Variants in DLGAP2 observed in about 807,000 individuals in gnomAD.
DLGAP2 encodes disks large-associated protein 2.
Under a neutral mutation model 100.3 loss-of-function variants are expected in DLGAP2, and 26 were observed. That is an observed-to-expected ratio of 0.26 (90% CI 0.19 to 0.36). The LOEUF is 0.36. Ranked by LOEUF, DLGAP2 falls within the 10% of genes least tolerant of loss-of-function variation. The pLI is 1.00. For missense variants in DLGAP2, 1,858 were observed against 1,453.2 expected (o/e 1.28, Z -4.53); for synonymous variants, 886 against 630.1 (o/e 1.41, Z -6.08).
intron 2 of DLGAP2, among the ~76,000 whole-genome samples, chr8:1,165,588 A>C (rs1327766531): frequency 2.0e-5 from 3 of 152,236 alleles, no homozygotes; most frequent in East Asian, 3.8e-4. Context: ...CAAGACAGGC[A>C]GTGGCCCTTG....
chr8:1,353,381 A>C (rs1585291380), intron 3 of DLGAP2, among the ~76,000 whole-genome samples: 1 of 152,138 alleles, frequency 6.6e-6, no homozygotes, highest in African/African-American at 2.4e-5. Flanking sequence ...GTTCCGCACA[A>C]CCCTTCTGAT....
intron 2 of DLGAP2, among the ~76,000 whole-genome samples, chr8:989,829 C>A (rs1800603618): frequency 6.6e-6 from 1 of 152,100 alleles, no homozygotes. Flanking sequence ...GGCTATGTGG[C>A]TTTGGAGGAA....
intron 1 of DLGAP2, among the ~76,000 whole-genome samples, chr8:800,869 G>A (rs1418210632): frequency 6.6e-6 from 1 of 152,114 alleles, no homozygotes. Context: ...GGCCGGGTCT[G>A]TACTTCCCCC....
chr8:1,044,191 T>C (rs544487594), intron 2 of DLGAP2, among the ~76,000 whole-genome samples: 2 of 152,298 alleles, frequency 1.3e-5, no homozygotes, highest in South Asian at 2.1e-4. Context: ...TAAAGCCCTG[T>C]TGAGAGGAAC....
intron 1 of DLGAP2, among the ~76,000 whole-genome samples, chr8:862,281 C>G (rs1017048890): frequency 6.6e-6 from 1 of 150,648 alleles, no homozygotes; most frequent in African/African-American, 2.4e-5. Context: ...CCTGGACAGT[C>G]AGGAGGATTG....
At chr8:1,268,844 C>G (rs1799522355) in intron 3 of DLGAP2, among the ~76,000 whole-genome samples, 3 of 152,330 alleles carry the variant, frequency 2.0e-5, no homozygotes, top group Admixed American at 2.0e-4. Flanking sequence ...GGTGCTAAGA[C>G]ATTTTCAAAG....
At position 1,013,653 on chromosome 8, in the gene DLGAP2, A is replaced by G. The variant is rs1266279632; in HGVS notation, c.73+105687A>G. Among the ~76,000 whole-genome samples the G allele has an allele frequency of 6.1e-4, 81 of 133,512 alleles. 2 individuals are homozygous for G. The highest frequency in any genetic ancestry group is 2.4e-3 in the African/African-American group (72 of 29,536). 87.6% of individuals were successfully genotyped at this position (133,512 alleles called of 152,430 possible). On this transcript the variant is annotated intron_variant, in intron 2 of 14. Transcript: ENST00000637795. ...CGGTGCCTCCACTGTGTGTGTGACC[A>G]GGACAGACGCCTCCACTGTGTGAGA...
chr8:840,827 C>T (rs753846680), intron 1 of DLGAP2, among the ~76,000 whole-genome samples: 8 of 152,258 alleles, frequency 5.3e-5, no homozygotes, highest in East Asian at 1.9e-4. Flanking sequence ...TCTGTGAACA[C>T]GTCTACATGG....
intron 6 of DLGAP2, 108 bp downstream of exon 6, chr8:1,566,002 T>C (rs1802385933): frequency 4.2e-6 from 4 of 953,416 alleles, no homozygotes; most frequent in Non-Finnish European, 4.4e-6. Context: ...TTAAACTAAA[T>C]TGCCAAGCTG....
intron 2 of DLGAP2, among the ~76,000 whole-genome samples, chr8:974,084 A>G (rs148600499): frequency 3.7e-4 from 56 of 152,306 alleles, no homozygotes; most frequent in African/African-American, 1.3e-3. Context: ...GAAAGAAAGA[A>G]AAGAAAAGAA....
chr8:1,416,342 G>A (rs894322330), intron 3 of DLGAP2, among the ~76,000 whole-genome samples: 1 of 152,200 alleles, frequency 6.6e-6, no homozygotes, highest in African/African-American at 2.4e-5. Flanking sequence ...GTCCGCCTTC[G>A]TATTTCAGAC....
intron 1 of DLGAP2, among the ~76,000 whole-genome samples, chr8:844,101 G>GT (rs903776676): frequency 4.6e-5 from 7 of 152,044 alleles, no homozygotes; most frequent in African/African-American, 1.7e-4. Context: ...ACATATTTTT[G>GT]TTTACTTTGT....
intron 3 of DLGAP2, among the ~76,000 whole-genome samples, chr8:1,330,340 G>A (rs1238081585): frequency 5.1e-4 from 65 of 127,224 alleles, no homozygotes; most frequent in African/African-American, 1.3e-3. Context: ...GCACCGCTTC[G>A]CGGGGACTGA....
At position 1,064,786 on chromosome 8, in the gene DLGAP2, G is replaced by A. The variant is rs530537016; in HGVS notation, c.73+156820G>A. ...CCTCTCTCCTTTTATCCTGCTGCAT[G>A]CGGCAGAGGGACAAATGCTTATTAG... On this transcript the variant is annotated intron_variant, in intron 2 of 14. Transcript: ENST00000637795. Among the ~76,000 whole-genome samples, 19 of 152,232 alleles carry A rather than the reference G, an allele frequency of 1.2e-4. No homozygotes were observed. The East Asian group carries it at 3.7e-3, about 29-fold the overall frequency.
intron 3 of DLGAP2, among the ~76,000 whole-genome samples, chr8:1,429,671 C>G (rs1797351939): frequency 6.6e-6 from 1 of 151,834 alleles, no homozygotes; most frequent in African/African-American, 2.4e-5. Context: ...ACAGTTAAAA[C>G]CAGCAGGGAT....
At chr8:815,549 C>G (rs1796460228) in intron 1 of DLGAP2, among the ~76,000 whole-genome samples, 1 of 152,188 alleles carries the variant, frequency 6.6e-6, no homozygotes. Flanking sequence ...ATTCAATATT[C>G]TGATGTATCT....
chr8:1,277,872 G>A (rs1585216784), intron 3 of DLGAP2, among the ~76,000 whole-genome samples: 1 of 152,236 alleles, frequency 6.6e-6, no homozygotes, highest in East Asian at 1.9e-4. Context: ...TTAGGCAGAT[G>A]TGTCATGTCC....
chr8:1,365,586 A>G (rs935989272), intron 3 of DLGAP2, among the ~76,000 whole-genome samples: 16 of 152,170 alleles, frequency 1.1e-4, no homozygotes, highest in African/African-American at 3.6e-4. Flanking sequence ...TTCTTGCCAC[A>G]CTAAAAGCTG....
At chr8:758,477 A>G (rs529003937) in intron 1 of DLGAP2, among the ~76,000 whole-genome samples, 5 of 152,248 alleles carry the variant, frequency 3.3e-5, no homozygotes, top group Non-Finnish European at 7.3e-5. Context: ...AGGAGCTACA[A>G]TTGAAAAGCA....
Sources: gnomAD v4.1 joint callset for allele counts (sites outside exome capture counted in the v4.1 genomes callset) on GRCh38, gnomAD v4.1.1 for gene constraint, MANE v1.5 for transcripts, NCBI Gene and HGNC (gene_info 2026-07-23, HGNC 2026-07-21) for gene names.